The following CLYBL variants were observed in gnomAD, a reference collection of about 807,000 sequenced individuals.
The protein encoded by CLYBL is citramalyl-CoA lyase, also known as citramalyl-CoA lyase, mitochondrial.
In CLYBL, 31 loss-of-function variants were observed where a neutral mutation model predicts 38.9. That is an observed-to-expected ratio of 0.80 (90% CI 0.60 to 1.08). The LOEUF (loss-of-function observed/expected upper bound fraction) is 1.08, where lower values mean the gene tolerates loss of function less well. Ranked by LOEUF, CLYBL falls within the 50% of genes least tolerant of loss-of-function variation. The pLI, the probability that CLYBL is intolerant of heterozygous loss-of-function variation, is 0.00. For synonymous variants in CLYBL, 171 were observed against 158.6 expected, an observed-to-expected ratio of 1.08 and a Z score of -0.59; for missense variants, 434 against 411.6, an observed-to-expected ratio of 1.05 and a Z score of -0.47.
chr13:99,844,902 A>G (rs2051164380), intron 2 of CLYBL, among the ~76,000 whole-genome samples: 1 of 152,210 alleles, frequency 6.6e-6, no homozygotes, highest in Non-Finnish European at 1.5e-5. Context: ...ACCGGATTCA[A>G]TGAGGTTTTA....
chr13:99,671,053 C>T (rs759742666), intron 1 of CLYBL, among the ~76,000 whole-genome samples: 7 of 152,184 alleles, frequency 4.6e-5, no homozygotes, highest in Non-Finnish European at 8.8e-5. Flanking sequence ...ACACACCGGT[C>T]TCCTTTCAGT....
chr13:99,643,187 C>T (rs572075289), intron 1 of CLYBL: 1 of 152,864 alleles, frequency 6.5e-6, no homozygotes, highest in South Asian at 2.1e-4. Context: ...GCTCTGCTTC[C>T]ACCTGCCTCT....
At chr13:99,703,671 A>C (rs548976934) in intron 1 of CLYBL, among the ~76,000 whole-genome samples, 1 of 152,256 alleles carries the variant, frequency 6.6e-6, no homozygotes, top group East Asian at 1.9e-4. Context: ...CCTGGCCAAA[A>C]TTAGTTCATT....
chr13:99,874,898 G>T (rs1471820908), intron 7 of CLYBL, among the ~76,000 whole-genome samples: 1 of 152,136 alleles, frequency 6.6e-6, no homozygotes, highest in Non-Finnish European at 1.5e-5. Context: ...GAATGCGAAG[G>T]AATAGCACAA....
At chr13:99,649,041 A>T (rs2047215221) in intron 1 of CLYBL, among the ~76,000 whole-genome samples, 1 of 152,012 alleles carries the variant, frequency 6.6e-6, no homozygotes, top group South Asian at 2.1e-4. Flanking sequence ...ATTGAGTGAA[A>T]AAAAGCCCTG....
intron 2 of CLYBL, among the ~76,000 whole-genome samples, chr13:99,818,896 A>T (rs891095394): frequency 1.3e-5 from 2 of 152,192 alleles, no homozygotes; most frequent in African/African-American, 4.8e-5. Flanking sequence ...TTAATATTCC[A>T]TCAAGCTGAT....
At chr13:99,714,888 G>T (rs1005234562) in intron 1 of CLYBL, among the ~76,000 whole-genome samples, 1 of 152,110 alleles carries the variant, frequency 6.6e-6, no homozygotes, top group Non-Finnish European at 1.5e-5. Context: ...GGCAGAGGTT[G>T]CAGTGAGCCG....
intron 1 of CLYBL, among the ~76,000 whole-genome samples, chr13:99,673,128 C>T (rs777211055): frequency 5.9e-5 from 9 of 152,010 alleles, no homozygotes; most frequent in Non-Finnish European, 7.4e-5. Context: ...AAAGGTGCAA[C>T]AGGGGCCAGG....
chr13:99,846,758 A>T (rs1211649193), intron 2 of CLYBL, among the ~76,000 whole-genome samples: 1 of 152,208 alleles, frequency 6.6e-6, no homozygotes, highest in African/African-American at 2.4e-5. Flanking sequence ...TAAACTTTAT[A>T]ATCTACTTAT....
intron 2 of CLYBL, among the ~76,000 whole-genome samples, chr13:99,798,912 T>C (rs1345653139): frequency 6.6e-6 from 1 of 152,208 alleles, no homozygotes; most frequent in Non-Finnish European, 1.5e-5. Context: ...CTGGGAAACA[T>C]AATCCTATTA....
intron 4 of CLYBL, 78 bp from the exon 5 acceptor site, chr13:99,864,740 G>C: frequency 1.0e-6 from 1 of 958,658 alleles, no homozygotes; most frequent in Non-Finnish European, 1.7e-6. Flanking sequence ...AGGTCGTCCT[G>C]TTACTGAAAT....
At chr13:99,889,434 C>T (rs1468000250) in intron 7 of CLYBL, among the ~76,000 whole-genome samples, 3 of 152,274 alleles carry the variant, frequency 2.0e-5, no homozygotes, top group Non-Finnish European at 2.9e-5. Flanking sequence ...AGGACCACCT[C>T]GGAACTTCCA....
intron 1 of CLYBL, among the ~76,000 whole-genome samples, chr13:99,692,399 C>T (rs547516992): frequency 6.6e-6 from 1 of 151,962 alleles, no homozygotes; most frequent in South Asian, 2.1e-4. Flanking sequence ...TCACGCCATT[C>T]CCCGGCCTCA....
chr13:99,765,249 C>G (rs1450461118), intron 1 of CLYBL, among the ~76,000 whole-genome samples: 1 of 152,222 alleles, frequency 6.6e-6, no homozygotes, highest in East Asian at 1.9e-4. Flanking sequence ...GCTGCTTCCC[C>G]CTGGCCTGTA....
downstream of CLYBL, chr13:99,894,260 G>A (rs1368074856): frequency 6.6e-6 from 1 of 152,320 alleles, no homozygotes; most frequent in East Asian, 1.9e-4. Flanking sequence ...TCAAGGGTGG[G>A]TGTGTGATCT....
intron 6 of CLYBL, among the ~76,000 whole-genome samples, chr13:99,867,972 C>T (rs1313349885): frequency 6.6e-5 from 10 of 152,062 alleles, no homozygotes; most frequent in Non-Finnish European, 2.9e-5. Flanking sequence ...CTAATTCAAT[C>T]GCAGAAGACA....
chr13:99,833,899 A>G (rs1237021946), intron 2 of CLYBL, among the ~76,000 whole-genome samples: 4 of 151,396 alleles, frequency 2.6e-5, no homozygotes, highest in African/African-American at 9.7e-5. Context: ...ATGGGGTTTC[A>G]CTGTGTTGGC....
At chr13:99,773,619 C>T (rs1566321193) in intron 2 of CLYBL, among the ~76,000 whole-genome samples, 2 of 152,130 alleles carry the variant, frequency 1.3e-5, no homozygotes, top group Non-Finnish European at 2.9e-5. Context: ...GGAATAATTA[C>T]CCTCCACAAA....
chr13:99,833,304 G>A (rs1312613115), intron 2 of CLYBL, among the ~76,000 whole-genome samples: 1 of 151,422 alleles, frequency 6.6e-6, no homozygotes, highest in Non-Finnish European at 1.5e-5. Flanking sequence ...GCCTTCCAAA[G>A]TGCTGGGATT....
Sources: allele counts gnomAD v4.1 joint callset (sites outside exome capture counted in the v4.1 genomes callset), GRCh38; gene constraint gnomAD v4.1.1; transcripts MANE v1.5; gene names NCBI Gene and HGNC (gene_info 2026-07-23, HGNC 2026-07-21).